Variants in RMI1 observed in about 807,000 individuals in gnomAD.
RMI1 encodes RecQ mediated genome instability 1, also known as recQ-mediated genome instability protein 1.
RMI1 carries 36 observed loss-of-function variants against 46.7 expected under a neutral mutation model. The observed-to-expected ratio is 0.77, with a 90% CI of 0.59 to 1.02. The LOEUF (loss-of-function observed/expected upper bound fraction) is 1.02, where lower values mean the gene tolerates loss of function less well. Ranked by LOEUF, RMI1 falls within the 50% of genes least tolerant of loss-of-function variation. RMI1 has a pLI of 0.00. For missense variants in RMI1, 676 were observed against 713.7 expected (o/e 0.95, Z 0.60); for synonymous variants, 250 against 252.9 (o/e 0.99, Z 0.11).
In RMI1 at chr9:84,002,000, AT is replaced by A. The variant is rs1957744714; in HGVS notation, c.1016del (p.Leu339Ter). 1 of 1,613,918 alleles carries A rather than the reference AT, an allele frequency of 6.2e-7. No individual in the cohort carries two copies. The highest frequency in any genetic ancestry group is 1.7e-5 in the Admixed American group (1 of 59,990). On this transcript the variant is annotated frameshift_variant, in exon 3 of 3. Transcript: ENST00000445877. LOFTEE classifies it high-confidence loss of function. ...AGATGGAAACTAAGGAATTGCAACC[AT>A]TGACTTTTAACAGAAATGCCGATCG... The part of the protein sequence containing the change: ...EQMETKELQP[L>X]TFNRNADRSI...
intron 1 of RMI1, among the ~76,000 whole-genome samples, chr9:83,997,091 A>G (rs1957666382): frequency 7.3e-6 from 1 of 136,966 alleles, no homozygotes. Flanking sequence ...AGGTAGAGGT[A>G]AGTCCAACAC....
At chr9:83,994,335 C>T (rs1408284544) in intron 1 of RMI1, among the ~76,000 whole-genome samples, 2 of 152,002 alleles carry the variant, frequency 1.3e-5, no homozygotes, top group Non-Finnish European at 2.9e-5. Flanking sequence ...GCTTTTGTTA[C>T]CTGTACTTTT....
In RMI1 at chr9:84,001,546, T is replaced by C. The variant is rs1239430159; in HGVS notation, c.560T>C (p.Val187Ala). The change falls in exon 3 of 3, where the codon GTG (valine) becomes GCG (alanine). Residue 187 changes from valine to alanine, a missense_variant. Coordinates refer to ENST00000445877, the MANE Select transcript of RMI1 (RefSeq NM_001358291.2). ...GTTCTCTTATTGAAACCAGAAAACG[T>C]GAAAGTGTTAGGAGGTGAAGTAGAT... ...LGVLLLKPEN[V>A]KVLGGEVDAL... 4 of 1,613,708 alleles carry C rather than the reference T, an allele frequency of 2.5e-6. No individual in the cohort carries two copies. Among genetic ancestry groups the C allele is most frequent in the Non-Finnish European group, 3.4e-6 (4 of 1,179,928 alleles).
chr9:83,989,444 G>A (rs1343678952), intron 1 of RMI1, among the ~76,000 whole-genome samples: 3 of 152,066 alleles, frequency 2.0e-5, no homozygotes, highest in African/African-American at 4.8e-5. Flanking sequence ...CATCTGACGA[G>A]GGATTAATAA....
chr9:83,987,038 G>C (rs2133104628), intron 1 of RMI1, among the ~76,000 whole-genome samples: 1 of 152,242 alleles, frequency 6.6e-6, no homozygotes, highest in South Asian at 2.1e-4. Flanking sequence ...TAAGAGCCAT[G>C]GCTGGGTTCC....
intron 1 of RMI1, among the ~76,000 whole-genome samples, chr9:83,983,193 C>T (rs2133097911): frequency 6.6e-6 from 1 of 152,288 alleles, no homozygotes; most frequent in Admixed American, 6.5e-5. Flanking sequence ...TTTTAGAGTT[C>T]TTTGAGCAAG....
intron 2 of RMI1, 45 bp from the exon 3 acceptor site, chr9:84,000,906 T>C (rs1349934520): frequency 2.0e-6 from 2 of 986,430 alleles, no homozygotes; most frequent in Non-Finnish European, 3.0e-6. Flanking sequence ...GAAGCTGTAT[T>C]CAAATATACT....
chr9:83,990,666 A>G (rs1001294064), intron 1 of RMI1, among the ~76,000 whole-genome samples: 1 of 152,178 alleles, frequency 6.6e-6, no homozygotes, highest in Admixed American at 6.5e-5. Flanking sequence ...TAGATATCCT[A>G]ATTACCCTGA....
rs1450584972 is a variant in RMI1, at chr9:83,980,810, G to A, written c.-207G>A. ...GCGGGAAGAGGTAAAAAAGGAACTG[G>A]GAGCGCGCCGCGGCGGTTCCTGTCC... On this transcript the variant is annotated 5_prime_UTR_variant, in exon 1 of 3. Coordinates refer to ENST00000445877, the MANE Select transcript of RMI1 (RefSeq NM_001358291.2). The A allele has an allele frequency of 6.6e-6, 1 of 152,356 alleles. No homozygotes were observed. Among genetic ancestry groups the A allele is most frequent in the African/African-American group, 2.4e-5 (1 of 41,474 alleles). The allele number at this position is 152,356 out of a possible 1,614,324, so 9.4% of individuals were successfully genotyped here.
chr9:84,002,048 T>C lies in RMI1; in HGVS notation c.1062T>C (p.His354=). The C allele has an allele frequency of 6.2e-7, 1 of 1,613,876 alleles. No individual in the cohort carries two copies. Among genetic ancestry groups the C allele is most frequent in the Non-Finnish European group, 8.5e-7 (1 of 1,179,884 alleles). Residue 354 remains histidine, a synonymous_variant, in exon 3 of 3, where the codon CAT becomes CAC. Transcript: ENST00000445877. ...NADRSIERFS[H]NPNTTNNFSL... Reference sequence around the variant, plus strand: ...ATCGAAGTATAGAGAGATTTTCACATAATCCTAATACTACGAATAACTTTT... The same window carrying C: ...ATCGAAGTATAGAGAGATTTTCACACAATCCTAATACTACGAATAACTTTT...
At position 84,003,108 on chromosome 9, in the gene RMI1, A is replaced by G. The variant is rs1463985717; in HGVS notation, c.*244A>G. 4 of 300,480 alleles carry G rather than the reference A, an allele frequency of 1.3e-5. No homozygotes were observed. Among genetic ancestry groups the G allele is most frequent in the Non-Finnish European group, 1.3e-5 (2 of 155,218 alleles). The allele number at this position is 300,480 out of a possible 1,614,324, so 18.6% of individuals were successfully genotyped here. A position where few individuals can be genotyped will look rare whatever the true frequency, so the allele number is the denominator to read the frequency against. ...GTTGCCCAGGCTAGAGTGCAGTGGC[A>G]TGATCATAGGTTATTGCATCAACCT... is the stretch of plus-strand genomic sequence containing the variant. On this transcript the variant is annotated 3_prime_UTR_variant, in exon 3 of 3. Transcript: ENST00000445877.
intron 1 of RMI1, among the ~76,000 whole-genome samples, chr9:83,998,755 A>G (rs1957695652): frequency 6.6e-6 from 1 of 152,208 alleles, no homozygotes; most frequent in South Asian, 2.1e-4. Flanking sequence ...TCAGGTAGGT[A>G]TATATTATTT....
intron 2 of RMI1, among the ~76,000 whole-genome samples, chr9:84,000,673 A>G (rs1025789632): frequency 2.0e-5 from 3 of 152,190 alleles, no homozygotes; most frequent in Non-Finnish European, 2.9e-5. Flanking sequence ...TTGACATTTT[A>G]TAGATGAAAA....
At chr9:83,985,235 TATTACACATC>T (rs1957472760) in intron 1 of RMI1, among the ~76,000 whole-genome samples, 1 of 152,246 alleles carries the variant, frequency 6.6e-6, no homozygotes, top group East Asian at 1.9e-4. Context: ...AAAAATAACC[TATTACACATC>T]ATCTTTTTAT....
At chr9:83,991,034 C>T (rs1472943230) in intron 1 of RMI1, among the ~76,000 whole-genome samples, 3 of 151,912 alleles carry the variant, frequency 2.0e-5, no homozygotes, top group Non-Finnish European at 2.9e-5. Context: ...CTCGAACTCC[C>T]GACCTCAGGT....
At chr9:83,982,921 C>T (rs1040297929) in intron 1 of RMI1, among the ~76,000 whole-genome samples, 2 of 152,086 alleles carry the variant, frequency 1.3e-5, no homozygotes, top group African/African-American at 4.8e-5. Flanking sequence ...TAATTTTATA[C>T]CTGTGTTCAT....
intron 2 of RMI1, among the ~76,000 whole-genome samples, chr9:84,000,233 C>T (rs1179211175): frequency 6.6e-6 from 1 of 152,148 alleles, no homozygotes; most frequent in African/African-American, 2.4e-5. Flanking sequence ...ATACAGTAGT[C>T]TCCCTTTCTC....
chr9:83,982,008 TATA>T (rs1234341754), intron 1 of RMI1, among the ~76,000 whole-genome samples: 2 of 152,346 alleles, frequency 1.3e-5, no homozygotes, highest in East Asian at 1.9e-4. Flanking sequence ...TAAGTGATAA[TATA>T]ATTTTTTAAA....
In RMI1 at chr9:84,002,395, C is replaced by G; in HGVS notation, c.1409C>G (p.Ser470Cys). 6.2e-7 allele frequency: 1 copy of G among 1,612,586 alleles called. No individual in the cohort carries two copies. Among genetic ancestry groups the G allele is most frequent in the Non-Finnish European group, 8.5e-7 (1 of 1,179,076 alleles). Residue 470 changes from serine (S) to cysteine (C), a missense_variant, in exon 3 of 3, where the codon TCT becomes TGT. Coordinates refer to ENST00000445877, the MANE Select transcript of RMI1 (RefSeq NM_001358291.2). ...AATGATTGTAATTTACAGAGTTGTT[C>G]TTTAAGATCATCAGAGAATAGCATT... ...NENDCNLQSCSLRSSENSINL... is the reference protein window; with the variant it reads ...NENDCNLQSCCLRSSENSINL...
Sources: allele counts gnomAD v4.1 joint callset (sites outside exome capture counted in the v4.1 genomes callset), GRCh38; gene constraint gnomAD v4.1.1; transcripts MANE v1.5; gene names NCBI Gene and HGNC (gene_info 2026-07-23, HGNC 2026-07-21).